The following MDGA2 variants were observed in gnomAD, a reference collection of about 807,000 sequenced individuals.
MDGA2 encodes MAM domain-containing glycosylphosphatidylinositol anchor protein 2.
In MDGA2, 40 loss-of-function variants were observed where a neutral mutation model predicts 117.8. The ratio of observed to expected loss-of-function variants is 0.34; its 90% CI spans 0.26 to 0.44. MDGA2 has a LOEUF of 0.44. Among genes scored for constraint, MDGA2 ranks in the 20% least tolerant of loss-of-function variants. The pLI is 1.00. For synonymous variants in MDGA2, 452 were observed against 439.0 expected (o/e 1.03, Z -0.37); for missense variants, 1,123 against 1,250.6 (o/e 0.90, Z 1.54).
chr14:47,183,328 C>T (rs924662162), intron 3 of MDGA2, among the ~76,000 whole-genome samples: 38 of 152,082 alleles, frequency 2.5e-4, no homozygotes, highest in African/African-American at 9.2e-4. Context: ...TCATCTCTTA[C>T]ATTACAAGCA....
At position 47,568,701 on chromosome 14, in the gene MDGA2, G is replaced by A. The variant is rs182478440; in HGVS notation, c.280+105816C>T. ...TGGTAAAATTATCTTTCTGCCAATCGTTATAGTCTATAAAAAATAATCCTG... is the reference window on the plus strand; with the variant it reads ...TGGTAAAATTATCTTTCTGCCAATCATTATAGTCTATAAAAAATAATCCTG... On this transcript the variant is annotated intron_variant, in intron 1 of 16. Coordinates refer to ENST00000399232, the MANE Select transcript of MDGA2 (RefSeq NM_001113498.3). 1.4e-4 allele frequency among the ~76,000 whole-genome samples: 21 copies of A among 152,208 alleles called. No homozygotes were observed. The East Asian group carries it at 2.7e-3, about 20-fold the overall frequency.
At chr14:47,170,340 A>C (rs1173843065) in intron 3 of MDGA2, among the ~76,000 whole-genome samples, 1 of 152,208 alleles carries the variant, frequency 6.6e-6, no homozygotes, top group Non-Finnish European at 1.5e-5. Flanking sequence ...GAGGAAATAA[A>C]TCATAATAAC....
At chr14:47,143,922 AT>A (rs1429265833) in intron 4 of MDGA2, among the ~76,000 whole-genome samples, 155 bp downstream of exon 4, 1 of 152,202 alleles carries the variant, frequency 6.6e-6, no homozygotes, top group Non-Finnish European at 1.5e-5. Flanking sequence ...GTTGTCCTTT[AT>A]ATTTAAGTTC....
At chr14:47,109,184 C>T (rs1880901775) in intron 5 of MDGA2, among the ~76,000 whole-genome samples, 1 of 152,130 alleles carries the variant, frequency 6.6e-6, no homozygotes, top group South Asian at 2.1e-4. Context: ...TAATGGAAAA[C>T]ACCAGAATTT....
chr14:46,971,233 G>A (rs1037465868), intron 8 of MDGA2, among the ~76,000 whole-genome samples: 2 of 152,052 alleles, frequency 1.3e-5, no homozygotes, highest in East Asian at 1.9e-4. Context: ...GAAAAGAAAT[G>A]TATATATCAA....
intron 2 of MDGA2, among the ~76,000 whole-genome samples, chr14:47,259,030 C>T (rs1234030214): frequency 1.3e-5 from 2 of 152,020 alleles, no homozygotes. Context: ...ACCTTAGTTT[C>T]AGAAGAATCT....
intron 2 of MDGA2, among the ~76,000 whole-genome samples, chr14:47,288,511 G>C (rs1009128731): frequency 1.3e-5 from 2 of 152,058 alleles, no homozygotes; most frequent in African/African-American, 4.8e-5. Flanking sequence ...AATTAACCAA[G>C]GATCATGTTC....
chr14:47,126,130 G>T (rs1008644460), intron 5 of MDGA2, among the ~76,000 whole-genome samples: 8 of 151,774 alleles, frequency 5.3e-5, no homozygotes, highest in African/African-American at 1.9e-4. Flanking sequence ...GAGAAATACA[G>T]CTACATTAAG....
chr14:47,577,671 A>G (rs1175455234), intron 1 of MDGA2, among the ~76,000 whole-genome samples: 1 of 152,236 alleles, frequency 6.6e-6, no homozygotes, highest in Non-Finnish European at 1.5e-5. Flanking sequence ...TGCAGCCAAC[A>G]AACATATGGA....
chr14:46,936,248 A>AG (rs1282573190), intron 9 of MDGA2, among the ~76,000 whole-genome samples: 1 of 152,098 alleles, frequency 6.6e-6, no homozygotes, highest in Non-Finnish European at 1.5e-5. Flanking sequence ...CCCATAAGAT[A>AG]GGGGCAAACC....
intron 1 of MDGA2, among the ~76,000 whole-genome samples, chr14:47,354,058 T>C (rs1890940682): frequency 1.3e-5 from 2 of 152,146 alleles, no homozygotes; most frequent in African/African-American, 4.8e-5. Context: ...AAAAACTATA[T>C]GATCATCTCA....
chr14:47,563,578 G>GGTTTTTTTTTTTTTTTTTTTTTTTTT (rs1895857035), intron 1 of MDGA2, among the ~76,000 whole-genome samples: 2 of 56,974 alleles, frequency 3.5e-5, no homozygotes, highest in African/African-American at 1.9e-4. Flanking sequence ...GCTTTTTTCT[G>GGTTTTTTTTTTTTTTTTTTTTTTTTT]TTTTTTTTTT....
At chr14:47,506,878 C>G (rs963966465) in intron 1 of MDGA2, among the ~76,000 whole-genome samples, 1 of 151,736 alleles carries the variant, frequency 6.6e-6, no homozygotes, top group African/African-American at 2.4e-5. Context: ...CAGCCTAGAT[C>G]TCTAAAATCC....
chr14:47,429,965 C>A (rs1195427351), intron 1 of MDGA2, among the ~76,000 whole-genome samples: 1 of 147,578 alleles, frequency 6.8e-6, no homozygotes, highest in Non-Finnish European at 1.5e-5. Flanking sequence ...ACGAGAACAG[C>A]ATTCTAGATG....
chr14:47,121,078 G>A (rs1351930669), intron 5 of MDGA2, among the ~76,000 whole-genome samples: 3 of 152,034 alleles, frequency 2.0e-5, no homozygotes, highest in Admixed American at 6.6e-5. Flanking sequence ...GAATATCAGG[G>A]GGGAAAAACT....
At chr14:46,964,771 A>C (rs562087070) in intron 8 of MDGA2, among the ~76,000 whole-genome samples, 1 of 152,122 alleles carries the variant, frequency 6.6e-6, no homozygotes, top group Non-Finnish European at 1.5e-5. Flanking sequence ...CTTTGCTGTC[A>C]AGTTATATTT....
chr14:47,540,068 G>A lies in MDGA2; in HGVS notation c.280+134449C>T, dbSNP rs548111289. 8.3e-4 allele frequency among the ~76,000 whole-genome samples: 126 copies of A among 151,996 alleles called. No individual in the cohort carries two copies. The East Asian group carries it at 0.023, about 28-fold the overall frequency. On this transcript the variant is annotated intron_variant, in intron 1 of 16. Coordinates refer to ENST00000399232, the MANE Select transcript of MDGA2 (RefSeq NM_001113498.3). The stretch of plus-strand genomic sequence containing the variant: ...CTCGCTGCCGCCCAGGCTGGAGTGC[G>A]GTGGCACGATCTCGGCTCACTGCAG...
chr14:47,540,540 G>GTGTATATATA, intron 1 of MDGA2, among the ~76,000 whole-genome samples: 1 of 79,220 alleles, frequency 1.3e-5, no homozygotes, highest in East Asian at 4.9e-4. Context: ...GTGTGTGTGT[G>GTGTATATATA]TATATATATA....
At chr14:47,139,246 C>A (rs910565290) in intron 4 of MDGA2, among the ~76,000 whole-genome samples, 3 of 152,004 alleles carry the variant, frequency 2.0e-5, no homozygotes, top group African/African-American at 7.2e-5. Context: ...CTTCACAGTT[C>A]CCTGTTCTCC....
Sources: gnomAD v4.1 joint callset for allele counts (sites outside exome capture counted in the v4.1 genomes callset) on GRCh38, gnomAD v4.1.1 for gene constraint, MANE v1.5 for transcripts, NCBI Gene and HGNC (gene_info 2026-07-23, HGNC 2026-07-21) for gene names.